Variants in LRPPRC observed in about 807,000 individuals in gnomAD.
The protein encoded by LRPPRC is leucine-rich PPR motif-containing protein, mitochondrial.
Under a neutral mutation model 180.3 loss-of-function variants are expected in LRPPRC, and 120 were observed. That is an observed-to-expected ratio of 0.67 (90% CI 0.57 to 0.77). The LOEUF (loss-of-function observed/expected upper bound fraction) is 0.77. LRPPRC is among the 30% of genes least tolerant of loss of function. The probability of loss-of-function intolerance (pLI) is 0.00; values close to 1 mark genes in which losing one functional copy is unlikely to be tolerated. For synonymous variants in LRPPRC, 723 were observed against 600.0 expected (o/e 1.21, Z -3.00); for missense variants, 2,012 against 1,657.2 (o/e 1.21, Z -3.72).
intron 23 of LRPPRC, among the ~76,000 whole-genome samples, chr2:43,938,990 T>C (rs1572943886): frequency 6.6e-6 from 1 of 151,906 alleles, no homozygotes; most frequent in East Asian, 1.9e-4. Context: ...AAAAGAAAGA[T>C]GGCCGGGCGC....
At chr2:43,938,937 A>C (rs1257817744) in intron 23 of LRPPRC, among the ~76,000 whole-genome samples, 1 of 152,144 alleles carries the variant, frequency 6.6e-6, no homozygotes, top group Non-Finnish European at 1.5e-5. Flanking sequence ...CTCGTAATTT[A>C]TACTAAGTAA....
intron 14 of LRPPRC, among the ~76,000 whole-genome samples, chr2:43,950,856 G>C (rs1352843432): frequency 6.6e-6 from 1 of 152,186 alleles, no homozygotes; most frequent in Non-Finnish European, 1.5e-5. Context: ...GATCACCTGA[G>C]GTCAGGAGTT....
intron 23 of LRPPRC, among the ~76,000 whole-genome samples, chr2:43,935,597 C>T (rs1480163105): frequency 6.6e-6 from 1 of 152,154 alleles, no homozygotes; most frequent in East Asian, 1.9e-4. Flanking sequence ...TAAAAAGACA[C>T]TGTCATTAAA....
intron 12 of LRPPRC, among the ~76,000 whole-genome samples, chr2:43,961,479 G>C (rs1388574358): frequency 1.3e-5 from 2 of 152,138 alleles, no homozygotes; most frequent in African/African-American, 4.8e-5. Flanking sequence ...CTTGCTAAAA[G>C]AGATTTCTCC....
At chr2:43,978,392 G>A (rs577413066) in intron 3 of LRPPRC, among the ~76,000 whole-genome samples, 38 of 152,198 alleles carry the variant, frequency 2.5e-4, no homozygotes, top group Non-Finnish European at 4.6e-4. Flanking sequence ...TTATAAAGCA[G>A]ACACTTATAC....
rs1261018190 is a variant in LRPPRC, at chr2:43,984,723, C to T, written c.150-2289G>A. ...AAGAACAGAACAAGTCCAGGGGTGA[C>T]GGTGGGGCCCCACAAGAAGATCACA... On this transcript the variant is annotated intron_variant, in intron 1 of 37. Transcript: ENST00000260665. Among the ~76,000 whole-genome samples the T allele has an allele frequency of 2.6e-5, 4 of 152,210 alleles. No individual in the cohort carries two copies. The East Asian group carries it at 7.7e-4, about 29-fold the overall frequency.
At chr2:43,960,243 AG>A (rs1208296561) in intron 13 of LRPPRC, among the ~76,000 whole-genome samples, 1 of 152,222 alleles carries the variant, frequency 6.6e-6, no homozygotes, top group Non-Finnish European at 1.5e-5. Context: ...CAGAGAGGTT[AG>A]AAGACTTCTT....
intron 14 of LRPPRC, among the ~76,000 whole-genome samples, chr2:43,953,228 G>A (rs951352385): frequency 3.0e-4 from 45 of 152,164 alleles, no homozygotes; most frequent in African/African-American, 9.7e-4. Flanking sequence ...TAGTTACGAA[G>A]ACTAGTTTTT....
At position 43,899,455 on chromosome 2, in the gene LRPPRC, A is replaced by G; in HGVS notation, c.3709+11T>C. On this transcript the variant is annotated intron_variant, in intron 33 of 37. Transcript: ENST00000260665. ...TGCTTGTGTGTTCTTTAGCACAAAC[A>G]ACTAACTTACTCTTTTCAACTGCTG... 6.2e-7 allele frequency: 1 copy of G among 1,614,168 alleles called. No individual in the cohort carries two copies. Among genetic ancestry groups the G allele is most frequent in the African/African-American group, 1.3e-5 (1 of 75,056 alleles).
Position 43,947,353 on chromosome 2 carries a change from T to C in LRPPRC, c.1983A>G (p.Ser661=), listed in dbSNP as rs1436032456. 2 of 1,571,708 alleles carry C rather than the reference T, an allele frequency of 1.3e-6. No homozygotes were observed. The highest frequency in any genetic ancestry group is 1.8e-6 in the Non-Finnish European group (2 of 1,142,418). ...TTTCAAGTGTGGACTCCAATTCAGA[T>C]GATGTAAGTTGCACAGTCTACAGAA... ...LDFQKTVQLT[S]SELESTLETL... is the part of the protein sequence containing the mutation. Residue 661 remains serine (S), a synonymous_variant, in exon 20 of 38, where the codon TCA becomes TCG. Transcript: ENST00000260665.
chr2:43,981,306 T>G (rs892729563), intron 2 of LRPPRC, among the ~76,000 whole-genome samples: 32 of 149,482 alleles, frequency 2.1e-4, no homozygotes, highest in African/African-American at 8.2e-4. Flanking sequence ...AGAAACTTAC[T>G]ACTAAAAGTG....
At chr2:43,901,271 T>G (rs1346584544) in intron 32 of LRPPRC, 49 bp downstream of exon 32, 1 of 1,476,084 alleles carries the variant, frequency 6.8e-7, no homozygotes, top group Admixed American at 1.7e-5. Context: ...TCTGAGGCAA[T>G]GCCCATTCTA....
intron 36 of LRPPRC, chr2:43,890,488 C>T (rs1189806755): frequency 1.2e-5 from 4 of 338,252 alleles, no homozygotes; most frequent in Non-Finnish European, 2.5e-5. Context: ...CCGAGGTAGG[C>T]GGATCACGAG....
Position 43,973,689 on chromosome 2 carries a change from A to C in LRPPRC, c.1287T>G (p.Ala429=). 1 of 1,613,912 alleles carries C rather than the reference A, an allele frequency of 6.2e-7. No homozygotes were observed. The highest frequency in any genetic ancestry group is 8.5e-7 in the Non-Finnish European group (1 of 1,179,742). The change falls in exon 11 of 38, where the codon GCT becomes GCG. Residue 429 remains alanine, a synonymous_variant. Transcript: ENST00000260665. The part of the protein sequence containing the change: ...KTDLAKALMK[A]VKEEGFPIRP... Reference sequence around the variant, plus strand: ...TGATAGGAAAACCTTCCTCCTTCACAGCCTTCATTAAGGCTTTTGCCAAAT... The same window carrying C: ...TGATAGGAAAACCTTCCTCCTTCACCGCCTTCATTAAGGCTTTTGCCAAAT...
chr2:43,974,478 G>A (rs764932852), intron 8 of LRPPRC, 136 bp downstream of exon 8: 4 of 812,080 alleles, frequency 4.9e-6, no homozygotes, highest in Non-Finnish European at 8.1e-6. Context: ...CATGTTTTTG[G>A]GCTTATTTAA....
chr2:43,910,301 T>C (rs114196682), intron 30 of LRPPRC, among the ~76,000 whole-genome samples: 1,991 of 151,914 alleles, frequency 0.013, 53 homozygotes, highest in African/African-American at 0.046. Flanking sequence ...TGGCGCGATC[T>C]TGGGCTCACT....
chr2:43,923,241 G>C (rs1387451173), intron 27 of LRPPRC, among the ~76,000 whole-genome samples: 2 of 150,056 alleles, frequency 1.3e-5, no homozygotes, highest in Non-Finnish European at 2.9e-5. Flanking sequence ...CACTGTGGAA[G>C]GCTGCGGCAG....
At chr2:43,931,633 G>A (rs1405158203) in intron 25 of LRPPRC, among the ~76,000 whole-genome samples, 2 of 152,074 alleles carry the variant, frequency 1.3e-5, no homozygotes, top group Non-Finnish European at 2.9e-5. Flanking sequence ...TAATGGTGGT[G>A]GATTTTTATG....
chr2:43,962,402 A>C (rs1213058498), intron 12 of LRPPRC, among the ~76,000 whole-genome samples: 2 of 152,254 alleles, frequency 1.3e-5, no homozygotes, highest in Non-Finnish European at 2.9e-5. Flanking sequence ...TATTTTAATG[A>C]AAGAAACACT....
Sources: gnomAD v4.1 joint callset for allele counts (sites outside exome capture counted in the v4.1 genomes callset) on GRCh38, gnomAD v4.1.1 for gene constraint, MANE v1.5 for transcripts, NCBI Gene and HGNC (gene_info 2026-07-23, HGNC 2026-07-21) for gene names.